ESF1: variants seen among roughly 807,000 people sequenced by gnomAD.
The protein encoded by ESF1 is ESF1 nucleolar pre-rRNA processing protein.
ESF1 carries 58 observed loss-of-function variants against 92.0 expected under a neutral mutation model. That is an observed-to-expected ratio of 0.63 (90% CI 0.51 to 0.78). The LOEUF is 0.78. ESF1 is among the 30% of genes least tolerant of loss of function. The pLI is 0.00. For synonymous variants in ESF1, 321 were observed against 313.7 expected, an observed-to-expected ratio of 1.02 and a Z score of -0.24; for missense variants, 922 against 989.1, an observed-to-expected ratio of 0.93 and a Z score of 0.91.
intron 9 of ESF1, among the ~76,000 whole-genome samples, chr20:13,750,322 T>A (rs1043607015): frequency 2.0e-5 from 3 of 152,102 alleles, no homozygotes; most frequent in African/African-American, 7.2e-5. Context: ...CTGGCTAACA[T>A]GGTGAAACCC....
At chr20:13,719,498 C>T (rs976384908) in intron 11 of ESF1, among the ~76,000 whole-genome samples, 1 of 151,690 alleles carries the variant, frequency 6.6e-6, no homozygotes, top group Non-Finnish European at 1.5e-5. Flanking sequence ...AATGATGAAA[C>T]AGTATATAAT....
chr20:13,748,583 TATATATA>T (rs1336363720), intron 9 of ESF1, among the ~76,000 whole-genome samples: 6 of 69,262 alleles, frequency 8.7e-5, no homozygotes, highest in African/African-American at 3.3e-4. Context: ...TGTATATATA[TATATATA>T]TATTTTTTTT....
intron 2 of ESF1, among the ~76,000 whole-genome samples, chr20:13,778,171 G>A (rs566002046): frequency 6.6e-6 from 1 of 152,260 alleles, no homozygotes; most frequent in South Asian, 2.1e-4. Context: ...GAATGAAAAG[G>A]CATCTTGTTA....
chr20:13,772,212 G>A (rs564774418), intron 5 of ESF1, among the ~76,000 whole-genome samples: 5 of 150,108 alleles, frequency 3.3e-5, no homozygotes, highest in Non-Finnish European at 5.9e-5. Flanking sequence ...AAAGCAAAAC[G>A]TACTAATTCA....
intron 9 of ESF1, among the ~76,000 whole-genome samples, chr20:13,734,817 C>CTAAA (rs1399642415): frequency 2.6e-5 from 4 of 152,060 alleles, no homozygotes; most frequent in African/African-American, 9.7e-5. Flanking sequence ...CAGATACATT[C>CTAAA]TAAATTCTAA....
rs754103741 is a variant in ESF1 at position 13,766,817 on chromosome 20, G to A, written c.1626C>T (p.Ser542=). 1.6e-5 allele frequency: 26 copies of A among 1,613,752 alleles called. No homozygotes were observed. Among genetic ancestry groups the A allele is most frequent in the South Asian group, 2.2e-5 (2 of 91,068 alleles). Residue 542 remains serine (S), a synonymous_variant, in exon 8 of 14, where the codon TCC becomes TCT. Coordinates refer to ENST00000617257, the MANE Select transcript of ESF1 (RefSeq NM_001276380.2). ...CTATCTCCTCTTCATCTTCACTAGA[G>A]GAAGCTAAGTAGGCTTGAAAATCCA... ...LDMDFQAYLA[S]SSEDEEEIEE...
chr20:13,770,172 T>C, intron 6 of ESF1, 151 bp from the exon 7 acceptor site: 1 of 557,432 alleles, frequency 1.8e-6, no homozygotes, highest in Non-Finnish European at 3.1e-6. Context: ...CTTTGTATAT[T>C]TCTGAATGAA....
At chr20:13,738,503 G>A (rs892870828) in intron 9 of ESF1, among the ~76,000 whole-genome samples, 5 of 151,862 alleles carry the variant, frequency 3.3e-5, no homozygotes, top group African/African-American at 4.8e-5. Context: ...TTATAGAGAC[G>A]TAAGTCTCAC....
intron 10 of ESF1, among the ~76,000 whole-genome samples, chr20:13,729,651 A>T (rs1234853333): frequency 4.0e-5 from 6 of 151,870 alleles, no homozygotes; most frequent in African/African-American, 1.5e-4. Context: ...GGTTAAAGAA[A>T]AGAATTTTTA....
At chr20:13,736,683 G>A (rs1335628293) in intron 9 of ESF1, among the ~76,000 whole-genome samples, 5 of 152,066 alleles carry the variant, frequency 3.3e-5, no homozygotes, top group South Asian at 2.1e-4. Context: ...CTTTAGGATC[G>A]AAATAAATGG....
At chr20:13,779,446 G>A (rs191875112) in intron 2 of ESF1, among the ~76,000 whole-genome samples, 84 of 152,150 alleles carry the variant, frequency 5.5e-4, no homozygotes, top group East Asian at 2.9e-3. Flanking sequence ...TGGTCATATC[G>A]TTATTTTGGA....
intron 11 of ESF1, among the ~76,000 whole-genome samples, chr20:13,725,385 C>A (rs1221724467): frequency 6.6e-6 from 1 of 152,058 alleles, no homozygotes; most frequent in Non-Finnish European, 1.5e-5. Flanking sequence ...AAAAAAATAC[C>A]TTCTCCTTAC....
At position 13,718,911 on chromosome 20, in the gene ESF1, T is replaced by G; in HGVS notation, c.2112A>C (p.Gln704His). ...SPEEEIEIER[Q>H]KAEMALLMMD... ...TGTAACAATAATCGTATTTTACCTT[T>G]TGTCTTTCTATTTCAATTTCTTCTT... Residue 704 changes from glutamine to histidine, a missense_variant, in exon 12 of 14, where the codon CAA becomes CAC. Transcript: ENST00000617257. 6.2e-7 allele frequency: 1 copy of G among 1,600,742 alleles called. No homozygotes were observed. Among genetic ancestry groups the G allele is most frequent in the Non-Finnish European group, 8.5e-7 (1 of 1,174,556 alleles).
At chr20:13,724,858 G>C (rs370928811) in intron 11 of ESF1, among the ~76,000 whole-genome samples, 2 of 152,178 alleles carry the variant, frequency 1.3e-5, no homozygotes, top group South Asian at 4.1e-4. Flanking sequence ...ACACAGCTTT[G>C]TAATGTGCCT....
chr20:13,754,974 C>T (rs4814256), intron 9 of ESF1, among the ~76,000 whole-genome samples: 111,260 of 152,190 alleles, frequency 0.73, 41,040 homozygotes, highest in East Asian at 0.9. Flanking sequence ...TCTGCTCACA[C>T]AGTCTTCCTG....
At chr20:13,760,052 T>C (rs1979090277) in intron 8 of ESF1, among the ~76,000 whole-genome samples, 199 bp from the exon 9 acceptor site, 1 of 152,274 alleles carries the variant, frequency 6.6e-6, no homozygotes. Flanking sequence ...TGCACTGTCA[T>C]AGCAGTATGC....
intron 9 of ESF1, among the ~76,000 whole-genome samples, chr20:13,736,699 A>G (rs1243419000): frequency 6.6e-6 from 1 of 152,198 alleles, no homozygotes; most frequent in East Asian, 1.9e-4. Context: ...AATGGCCTTG[A>G]TCCTCAAGTG....
chr20:13,733,956 A>C (rs2049960402), intron 9 of ESF1, 114 bp from the exon 10 acceptor site: 1 of 1,226,370 alleles, frequency 8.2e-7, no homozygotes, highest in Admixed American at 2.7e-5. Context: ...AGTAACAAAG[A>C]TAACATGCAA....
intron 9 of ESF1, among the ~76,000 whole-genome samples, chr20:13,736,452 T>C (rs2049976147): frequency 6.6e-6 from 1 of 152,190 alleles, no homozygotes; most frequent in South Asian, 2.1e-4. Flanking sequence ...TCTTCCCAAT[T>C]TATAAGTTTC....
Sources: gnomAD v4.1 joint callset for allele counts (sites outside exome capture counted in the v4.1 genomes callset) on GRCh38, gnomAD v4.1.1 for gene constraint, MANE v1.5 for transcripts, NCBI Gene and HGNC (gene_info 2026-07-23, HGNC 2026-07-21) for gene names.